Variants in PAM observed in about 807,000 individuals in gnomAD.
The protein encoded by PAM is peptidylglycine alpha-amidating monooxygenase.
Under a neutral mutation model 122.1 loss-of-function variants are expected in PAM, and 72 were observed. The observed-to-expected ratio is 0.59, with a 90% CI of 0.49 to 0.72. The LOEUF is 0.72. Ranked by LOEUF, PAM falls within the 30% of genes least tolerant of loss-of-function variation. The pLI is 0.00. For synonymous variants in PAM, 389 were observed against 404.4 expected (o/e 0.96, Z 0.46); for missense variants, 1,106 against 1,183.7 (o/e 0.93, Z 0.96).
chr5:102,964,690 A>G (rs568656812), intron 14 of PAM, among the ~76,000 whole-genome samples: 1 of 151,916 alleles, frequency 6.6e-6, no homozygotes. Flanking sequence ...GAGTACATAT[A>G]TGTATGTGAA....
chr5:103,027,897 G>A (rs1021946277), intron 24 of PAM, among the ~76,000 whole-genome samples: 1 of 152,166 alleles, frequency 6.6e-6, no homozygotes, highest in African/African-American at 2.4e-5. Flanking sequence ...TACAGACAGG[G>A]ATTCTCCTTG....
rs375353557 is a variant in PAM, at chr5:102,869,964, A to C, written c.210+2571A>C. On this transcript the variant is annotated intron_variant, in intron 3 of 25. Coordinates refer to ENST00000438793, the MANE Select transcript of PAM (RefSeq NM_001177306.2). The stretch of plus-strand genomic sequence containing the variant: ...TGAAAAAAAGGTCCAAGAAAATGGA[A>C]TGATCAAGAACAAAAATAAAAGGAA... 7.2e-5 allele frequency among the ~76,000 whole-genome samples: 11 copies of C among 152,274 alleles called. No individual in the cohort carries two copies. The South Asian group carries it at 2.3e-3, about 32-fold the overall frequency.
rs1785439000 is a variant in PAM, at chr5:102,866,003, C to T, written c.-193C>T. 22 of 454,074 alleles carry T rather than the reference C, an allele frequency of 4.8e-5. 1 individual carries two copies. In the South Asian group the frequency reaches 9.7e-4, roughly 20 times the overall value. The allele number at this position is 454,074 out of a possible 1,614,324, so 28.1% of individuals were successfully genotyped here. A position where few individuals can be genotyped will look rare whatever the true frequency, so the allele number is the denominator to read the frequency against. ...CGCCTGCCCACGGCTTTTTGCCCGC[C>T]GCTCGTGACCGAGACGCCTCGCCGC... is the stretch of plus-strand genomic sequence containing the variant. On this transcript the variant is annotated 5_prime_UTR_variant, in exon 2 of 26. Coordinates refer to ENST00000438793, the MANE Select transcript of PAM (RefSeq NM_001177306.2).
At chr5:102,950,368 A>G (rs1424128620) in intron 11 of PAM, among the ~76,000 whole-genome samples, 3 of 150,982 alleles carry the variant, frequency 2.0e-5, no homozygotes, top group African/African-American at 7.3e-5. Flanking sequence ...TTATCCGATG[A>G]TTAAAGGTGA....
intron 1 of PAM, among the ~76,000 whole-genome samples, chr5:102,757,026 G>A (rs1016468057): frequency 2.0e-5 from 3 of 152,084 alleles, no homozygotes; most frequent in African/African-American, 7.2e-5. Context: ...ATTATCAAAG[G>A]CCCTTTAAGA....
At chr5:102,938,226 T>A (rs1753919785) in intron 7 of PAM, among the ~76,000 whole-genome samples, 1 of 152,164 alleles carries the variant, frequency 6.6e-6, no homozygotes, top group Non-Finnish European at 1.5e-5. Context: ...GCTTGCTGCA[T>A]TTCAACTTTG....
intron 1 of PAM, among the ~76,000 whole-genome samples, chr5:102,834,522 G>A (rs1398554046): frequency 6.6e-6 from 1 of 152,134 alleles, no homozygotes; most frequent in Non-Finnish European, 1.5e-5. Flanking sequence ...GAGCAATAGA[G>A]GGGGAGTTGG....
intron 12 of PAM, among the ~76,000 whole-genome samples, chr5:102,954,330 G>GTCCAT (rs1214427551): frequency 5.9e-5 from 9 of 151,640 alleles, no homozygotes; most frequent in Middle Eastern, 3.2e-3. Flanking sequence ...AGTCCCCAAA[G>GTCCAT]TCCATTTTAT....
intron 1 of PAM, among the ~76,000 whole-genome samples, chr5:102,768,352 A>T (rs1754729343): frequency 6.6e-6 from 1 of 152,038 alleles, no homozygotes; most frequent in Non-Finnish European, 1.5e-5. Flanking sequence ...GTTACGACCT[A>T]ATTGTACATT....
chr5:102,798,706 T>C (rs1280257450), intron 1 of PAM, among the ~76,000 whole-genome samples: 1 of 152,220 alleles, frequency 6.6e-6, no homozygotes, highest in African/African-American at 2.4e-5. Context: ...ATTGCAAATC[T>C]GGTTAGTTTG....
chr5:102,912,568 C>CT (rs1217709736), intron 4 of PAM, among the ~76,000 whole-genome samples: 1 of 151,880 alleles, frequency 6.6e-6, no homozygotes, highest in Non-Finnish European at 1.5e-5. Context: ...AATCCTTCTT[C>CT]TTTCTTCTGT....
intron 1 of PAM, among the ~76,000 whole-genome samples, chr5:102,760,938 A>G (rs1356435334): frequency 6.6e-6 from 1 of 152,234 alleles, no homozygotes; most frequent in Non-Finnish European, 1.5e-5. Context: ...TACTCAAATC[A>G]TGTGTGATTG....
chr5:102,888,745 G>T (rs1385859812), intron 3 of PAM, among the ~76,000 whole-genome samples: 1 of 151,818 alleles, frequency 6.6e-6, no homozygotes, highest in African/African-American at 2.4e-5. Flanking sequence ...TCTCTTTTCT[G>T]AGCCTCTCTG....
In PAM at chr5:102,949,381, G is replaced by A. The variant is rs150355304; in HGVS notation, c.644-156G>A. Among the ~76,000 whole-genome samples the A allele has an allele frequency of 3.5e-3, 531 of 152,214 alleles. 2 individuals carry two copies. Among genetic ancestry groups the A allele is most frequent in the African/African-American group, 0.012 (515 of 41,552 alleles). Reference sequence around the variant, plus strand: ...GTTCTTAATTCATGTGAGTAAAGTGGCTGGCACAGAATAAGTGCTTAATAT... The same window carrying A: ...GTTCTTAATTCATGTGAGTAAAGTGACTGGCACAGAATAAGTGCTTAATAT... On this transcript the variant is annotated intron_variant, in intron 9 of 25. Transcript: ENST00000438793.
chr5:102,793,229 T>C (rs1459240214), intron 1 of PAM, among the ~76,000 whole-genome samples: 1 of 152,184 alleles, frequency 6.6e-6, no homozygotes, highest in Non-Finnish European at 1.5e-5. Flanking sequence ...AATGTTTAAG[T>C]TAAAGACTTG....
intron 1 of PAM, among the ~76,000 whole-genome samples, chr5:102,778,576 G>GATC (rs1399242839): frequency 3.3e-5 from 5 of 152,110 alleles, no homozygotes; most frequent in Admixed American, 3.3e-4. Flanking sequence ...TGCTCAAGTA[G>GATC]ATTATTATTA....
At chr5:102,842,027 T>C (rs539852144) in intron 1 of PAM, among the ~76,000 whole-genome samples, 219 of 152,194 alleles carry the variant, frequency 1.4e-3, no homozygotes, top group South Asian at 6.2e-3. Context: ...TCCTATTGCA[T>C]ATCATACACA....
intron 1 of PAM, among the ~76,000 whole-genome samples, chr5:102,823,177 G>A (rs1269025102): frequency 6.6e-6 from 1 of 152,138 alleles, no homozygotes; most frequent in Non-Finnish European, 1.5e-5. Context: ...CTTAGTCTCA[G>A]GCTTTAGCTA....
At chr5:102,798,886 G>A (rs1399345673) in intron 1 of PAM, among the ~76,000 whole-genome samples, 1 of 152,108 alleles carries the variant, frequency 6.6e-6, no homozygotes, top group Non-Finnish European at 1.5e-5. Context: ...TAACTTATGT[G>A]AGTTTTTACT....
Sources: allele counts gnomAD v4.1 joint callset (sites outside exome capture counted in the v4.1 genomes callset), GRCh38; gene constraint gnomAD v4.1.1; transcripts MANE v1.5; gene names NCBI Gene and HGNC (gene_info 2026-07-23, HGNC 2026-07-21).